The following TBC1D21 variants were observed in gnomAD, a reference collection of about 807,000 sequenced individuals.
TBC1D21 encodes TBC1 domain family member 21.
In TBC1D21, 38 loss-of-function variants were observed where a neutral mutation model predicts 46.0. The observed-to-expected ratio is 0.83, with a 90% confidence interval of 0.64 to 1.08. The LOEUF (loss-of-function observed/expected upper bound fraction) is 1.08, where lower values mean the gene tolerates loss of function less well. Ranked by LOEUF, TBC1D21 falls within the 50% of genes least tolerant of loss-of-function variation. TBC1D21 has a pLI of 0.00. For missense variants in TBC1D21, 415 were observed against 417.9 expected (o/e 0.99, Z 0.06); for synonymous variants, 151 against 157.2 (o/e 0.96, Z 0.29).
the TBC1D21 span, among the ~76,000 whole-genome samples, chr15:73,902,526 C>G: frequency 6.6e-6 from 1 of 152,230 alleles, no homozygotes; most frequent in Admixed American, 6.5e-5. Flanking sequence ...CTGCAAGAAG[C>G]CTTCCCCAGA....
chr15:73,888,601 TCC>T, intron 10 of TBC1D21, 88 bp downstream of exon 10: 32 of 859,548 alleles, frequency 3.7e-5, no homozygotes, highest in East Asian at 5.3e-5. Flanking sequence ...CTCCTCCTCC[TCC>T]TCTTCTTCCT....
chr15:73,904,834 A>G, the TBC1D21 span, among the ~76,000 whole-genome samples: 1 of 152,216 alleles, frequency 6.6e-6, no homozygotes, highest in Non-Finnish European at 1.5e-5. Context: ...AGTAAGAGAG[A>G]CATGGAGACA....
the TBC1D21 span, among the ~76,000 whole-genome samples, chr15:73,895,214 G>A: frequency 2.6e-5 from 4 of 152,180 alleles, no homozygotes; most frequent in Non-Finnish European, 4.4e-5. Context: ...TAATGAAGGG[G>A]GATTAGTGAT....
intron 10 of TBC1D21, 147 bp downstream of exon 10, chr15:73,888,660 T>C (rs1305532376): frequency 2.2e-5 from 13 of 590,074 alleles, no homozygotes; most frequent in Admixed American, 2.4e-5. Flanking sequence ...CCTCCTCTTC[T>C]TCCTCCTCCT....
At chr15:73,905,868 G>A in the TBC1D21 span, among the ~76,000 whole-genome samples, 1 of 152,156 alleles carries the variant, frequency 6.6e-6, no homozygotes. Flanking sequence ...GGACCAAGCT[G>A]GGAATTCCAG....
downstream of TBC1D21, among the ~76,000 whole-genome samples, chr15:73,891,636 C>T (rs1309089363): frequency 3.9e-5 from 6 of 152,250 alleles, no homozygotes; most frequent in Non-Finnish European, 8.8e-5. Context: ...CTCAGAACTG[C>T]CTGCTCCCAC....
chr15:73,905,339 G>T, the TBC1D21 span, among the ~76,000 whole-genome samples: 4 of 152,198 alleles, frequency 2.6e-5, no homozygotes, highest in Admixed American at 1.3e-4. Flanking sequence ...TAAATGATCT[G>T]ATTGTTTCTG....
intron 1 of TBC1D21, among the ~76,000 whole-genome samples, chr15:73,874,361 T>G (rs1038209114): frequency 1.9e-4 from 29 of 152,250 alleles, no homozygotes. Flanking sequence ...GGCCTTGCTT[T>G]AAATTTTCTT....
At position 73,888,575 on chromosome 15, in the gene TBC1D21, CCTCCTCTTCCTCCTCCTCCTCCTCCTCCT is replaced by C. The variant is rs1201506849; in HGVS notation, c.978+65_978+93del. The stretch of plus-strand genomic sequence containing the variant: ...TCCTCCTCCTCCTCTTCCTCCTCCT[CCTCCTCTTCCTCCTCCTCCTCCTCCTCCT>C]CTTCTTCCTCCTCCTCCTCTTCTTC... On this transcript the variant is annotated intron_variant, in intron 10 of 10. Transcript: ENST00000300504. 9 of 1,057,738 alleles carry C rather than the reference CCTCCTCTTCCTCCTCCTCCTCCTCCTCCT, an allele frequency of 8.5e-6. No individual in the cohort carries two copies. The African/African-American group carries it at 9.1e-5, about 11-fold the overall frequency. 65.5% of individuals were successfully genotyped at this position (1,057,738 alleles called of 1,614,324 possible). A position where few individuals can be genotyped will look rare whatever the true frequency, so the allele number is the denominator to read the frequency against.
chr15:73,879,083 C>T (rs956869748), intron 1 of TBC1D21, among the ~76,000 whole-genome samples: 3 of 152,190 alleles, frequency 2.0e-5, no homozygotes, highest in Admixed American at 1.3e-4. Context: ...ACAGGGCATA[C>T]ATGAGTTATT....
downstream of TBC1D21, among the ~76,000 whole-genome samples, chr15:73,891,432 G>A (rs189376921): frequency 2.6e-5 from 4 of 152,294 alleles, no homozygotes; most frequent in Admixed American, 2.0e-4. Flanking sequence ...AGCTGCAGTG[G>A]GGGAGGCGCA....
intron 1 of TBC1D21, among the ~76,000 whole-genome samples, chr15:73,874,920 G>A (rs531865817): frequency 6.6e-6 from 1 of 152,304 alleles, no homozygotes; most frequent in Admixed American, 6.5e-5. Flanking sequence ...TTACGGTTGG[G>A]AGTCTATCTT....
At chr15:73,886,992 C>T (rs1290719547) in intron 8 of TBC1D21, among the ~76,000 whole-genome samples, 1 of 152,154 alleles carries the variant, frequency 6.6e-6, no homozygotes, top group Non-Finnish European at 1.5e-5. Context: ...GAGTGCTGCT[C>T]CTGTGGAACT....
At chr15:73,898,030 G>A in the TBC1D21 span, among the ~76,000 whole-genome samples, 2 of 152,214 alleles carry the variant, frequency 1.3e-5, no homozygotes, top group East Asian at 3.9e-4. Flanking sequence ...TCATCATCAT[G>A]GCCCGCATCA....
the TBC1D21 span, chr15:73,908,221 C>T: frequency 2.6e-5 from 4 of 151,662 alleles, no homozygotes; most frequent in African/African-American, 9.7e-5. Flanking sequence ...ATACACCAGA[C>T]ACACCACACA....
the TBC1D21 span, chr15:73,909,779 G>GAGGC: frequency 6.6e-6 from 1 of 151,810 alleles, no homozygotes; most frequent in South Asian, 2.1e-4. Flanking sequence ...ACAACACTCA[G>GAGGC]AAGCTGTCAG....
the TBC1D21 span, among the ~76,000 whole-genome samples, chr15:73,906,300 G>A: frequency 6.6e-6 from 1 of 152,210 alleles, no homozygotes; most frequent in Non-Finnish European, 1.5e-5. Context: ...GGAGACGTAT[G>A]TGGGAGGAGG....
downstream of TBC1D21, among the ~76,000 whole-genome samples, chr15:73,892,185 G>A (rs2068342789): frequency 6.6e-6 from 1 of 152,228 alleles, no homozygotes; most frequent in African/African-American, 2.4e-5. Flanking sequence ...GAGCTACTCA[G>A]GGCGGGTCTC....
chr15:73,888,511 G>A lies in TBC1D21; in HGVS notation c.976G>A (p.Asp326Asn). The A allele has an allele frequency of 1.2e-6, 2 of 1,613,790 alleles. No homozygotes were observed. The highest frequency in any genetic ancestry group is 1.7e-6 in the Non-Finnish European group (2 of 1,179,890). The part of the protein sequence containing the change: ...CVVYAELIQK[D>N]VPQTLKDFFL Reference sequence around the variant, plus strand: ...GGTTTATGCTGAGCTCATCCAGAAGGATGTAAGTTGCCCCAATGATGTGTC... The same window carrying A: ...GGTTTATGCTGAGCTCATCCAGAAGAATGTAAGTTGCCCCAATGATGTGTC... The change falls in exon 10 of 11, where the codon GAT becomes AAT. Residue 326 changes from aspartate to asparagine, a missense_variant and splice_region_variant. Asp to Asn is a conservative substitution (Grantham distance 23, BLOSUM62 1). Coordinates refer to ENST00000300504, the MANE Select transcript of TBC1D21 (RefSeq NM_153356.3).
Sources: allele counts gnomAD v4.1 joint callset (sites outside exome capture counted in the v4.1 genomes callset), GRCh38; gene constraint gnomAD v4.1.1; transcripts MANE v1.5; gene names NCBI Gene and HGNC (gene_info 2026-07-23, HGNC 2026-07-21).